The following GNB3 variants were observed in gnomAD, a reference collection of about 807,000 sequenced individuals.
The protein encoded by GNB3 is G protein subunit beta 3.
In GNB3, 33 loss-of-function variants were observed where a neutral mutation model predicts 41.2. That is an observed-to-expected ratio of 0.80 (90% CI 0.61 to 1.07). The LOEUF (loss-of-function observed/expected upper bound fraction) is 1.07, where lower values mean the gene tolerates loss of function less well. Among genes scored for constraint, GNB3 ranks in the 50% least tolerant of loss-of-function variants. The pLI, the probability that GNB3 is intolerant of heterozygous loss-of-function variation, is 0.00. For synonymous variants in GNB3, 172 were observed against 173.4 expected (o/e 0.99, Z 0.06); for missense variants, 409 against 455.3 (o/e 0.90, Z 0.92).
Position 6,843,443 on chromosome 12 carries a change from GC to G in GNB3, c.349del (p.Leu117TrpfsTer42). ...CAGGGAACTTTGTGGCATGTGGGGGGCTGGACAACATGTGTTCCATCTACAA... is the reference window on the plus strand; with the variant it reads ...CAGGGAACTTTGTGGCATGTGGGGGGTGGACAACATGTGTTCCATCTACAA... Reference protein sequence around the residue: ...PSGNFVACGGLDNMCSIYNLK... With the variant: ...PSGNFVACGGXDNMCSIYNLK... On this transcript the variant is annotated frameshift_variant, in exon 6 of 10. Transcript: ENST00000229264. LOFTEE classifies it high-confidence loss of function. The surrounding 1 kb of genome is among the most constrained non-coding windows in gnomAD (Gnocchi z 5.9). The G allele has an allele frequency of 6.2e-7, 1 of 1,614,038 alleles. No individual in the cohort carries two copies. The highest frequency in any genetic ancestry group is 8.5e-7 in the Non-Finnish European group (1 of 1,179,890).
chr12:6,846,878 T>C lies in GNB3; in HGVS notation c.1003T>C (p.Phe335Leu). Reference sequence around the variant, plus strand: ...TGTGGCCACAGGTTCCTGGGACAGCTTCCTCAAAATCTGGAACTGAGGAGG... The same window carrying C: ...TGTGGCCACAGGTTCCTGGGACAGCCTCCTCAAAATCTGGAACTGAGGAGG... ...MAVATGSWDSFLKIWN is the reference protein window; with the variant it reads ...MAVATGSWDSLLKIWN Residue 335 changes from phenylalanine to leucine, a missense_variant, in exon 10 of 10, where the codon TTC becomes CTC. By Grantham distance (22) the Phe-to-Leu change is conservative (BLOSUM62 0). Coordinates refer to ENST00000229264, the MANE Select transcript of GNB3 (RefSeq NM_002075.4). 2 of 1,589,974 alleles carry C rather than the reference T, an allele frequency of 1.3e-6. No individual in the cohort carries two copies. The highest frequency in any genetic ancestry group is 1.7e-6 in the Non-Finnish European group (2 of 1,166,794).
chr12:6,843,299 C>G lies in GNB3; in HGVS notation c.267+62C>G. On this transcript the variant is annotated intron_variant, in intron 5 of 9. Coordinates refer to ENST00000229264, the MANE Select transcript of GNB3 (RefSeq NM_002075.4). This position sits in a 1 kb window ranked among gnomAD's most constrained non-coding sequence, Gnocchi z 5.9. ...TCCTTCCTAAGGGCGCCATGCCTAC[C>G]CTCCTGTGCCCAGCTGGGAGCTTGG... is the stretch of plus-strand genomic sequence containing the variant. The G allele has an allele frequency of 2.5e-6, 4 of 1,609,818 alleles. No individual in the cohort carries two copies. The highest frequency in any genetic ancestry group is 3.4e-6 in the Non-Finnish European group (4 of 1,176,166).
intron 3 of GNB3, chr12:6,842,009 G>A (rs1383608952): frequency 3.3e-5 from 12 of 366,442 alleles, no homozygotes; most frequent in Non-Finnish European, 4.7e-5. Flanking sequence ...TGAAATCAAG[G>A]TGCATTCAGC....
intron 1 of GNB3, 39 bp from the exon 2 acceptor site, chr12:6,841,219 G>C (rs1219648589): frequency 2.3e-6 from 3 of 1,330,754 alleles, no homozygotes; most frequent in African/African-American, 2.9e-5. Flanking sequence ...GCACAGCCTG[G>C]TGGGGGGTTC....
rs782761391 is a variant in GNB3 at position 6,843,090 on chromosome 12, G to C, written c.203+14G>C. ...CACTGATTCTAAGTGAGGCTTGGGG[G>C]GGAACCGAGAATGGGAGGGTGAGAG... On this transcript the variant is annotated intron_variant, in intron 4 of 9. Transcript: ENST00000229264. The surrounding 1 kb of genome is among the most constrained non-coding windows in gnomAD (Gnocchi z 5.9). 3.1e-6 allele frequency: 5 copies of C among 1,604,100 alleles called. No individual in the cohort carries two copies. The highest frequency in any genetic ancestry group is 4.3e-6 in the Non-Finnish European group (5 of 1,171,600).
At chr12:6,841,499 G>C (rs1234219483) in intron 2 of GNB3, 87 bp from the exon 3 acceptor site, 1 of 1,263,408 alleles carries the variant, frequency 7.9e-7, no homozygotes, top group Non-Finnish European at 1.1e-6. Context: ...CCAAGCCCCA[G>C]AGCCCCAAGA....
rs782545327 is a variant in GNB3, at chr12:6,845,605, C to A, written c.719C>A (p.Ala240Asp). The change falls in exon 9 of 10, where the codon GCC (alanine) becomes GAC (aspartate). Residue 240 changes from alanine to aspartate, a missense_variant. Transcript: ENST00000229264. ...NAICFFPNGE[A>D]ICTGSDDASC... ...CCTCAGTTCTTCCCCAATGGAGAGG[C>A]CATCTGCACGGGCTCGGATGACGCT... is the stretch of plus-strand genomic sequence containing the variant. The A allele has an allele frequency of 1.2e-6, 2 of 1,611,460 alleles. No homozygotes were observed. Among genetic ancestry groups the A allele is most frequent in the Non-Finnish European group, 1.7e-6 (2 of 1,179,312 alleles).
intron 1 of GNB3, 81 bp downstream of exon 1, chr12:6,841,114 G>A (rs1943565673): frequency 1.6e-6 from 1 of 637,172 alleles, no homozygotes; most frequent in Non-Finnish European, 2.8e-6. Context: ...TGGACGCAAA[G>A]GACCTCAAAC....
chr12:6,842,980 G>A lies in GNB3; in HGVS notation c.107G>A (p.Gly36Asp). ...CCCCTCTCTCTGCAGCTGGTGTCTG[G>A]CCTAGAGGTGGTGGGACGAGTCCAG... The part of the protein sequence containing the change: ...ADVTLAELVS[G>D]LEVVGRVQMR... The change falls in exon 4 of 10, where the codon GGC becomes GAC. Residue 36 changes from glycine to aspartate, a missense_variant. Physicochemically the swap from Gly to Asp is moderately conservative, Grantham distance 94. Coordinates refer to ENST00000229264, the MANE Select transcript of GNB3 (RefSeq NM_002075.4). 6.5e-7 allele frequency: 1 copy of A among 1,548,320 alleles called. No individual in the cohort carries two copies. The highest frequency in any genetic ancestry group is 1.8e-5 in the Admixed American group (1 of 54,248).
At position 6,843,955 on chromosome 12, in the gene GNB3, G is replaced by C. The variant is rs371744474; in HGVS notation, c.676G>C (p.Glu226Gln). The change falls in exon 8 of 10, where the codon GAG (glutamate) becomes CAG (glutamine). Residue 226 changes from glutamate to glutamine, a missense_variant. Transcript: ENST00000229264. The surrounding 1 kb of genome is among the most constrained non-coding windows in gnomAD (Gnocchi z 5.9). ...GTCRQTFTGH[E>Q]SDINAICFFP... ...CTGCCGTCAGACTTTCACTGGCCAC[G>C]AGTCGGACATCAACGCCATCTGTGT... 259 of 1,613,012 alleles carry C rather than the reference G, an allele frequency of 1.6e-4. 3 individuals carry two copies. In the South Asian group the frequency reaches 2.7e-3, roughly 17 times the overall value.
Position 6,846,869 on chromosome 12 carries a change from T to C in GNB3, c.994T>C (p.Trp332Arg). The C allele has an allele frequency of 2.5e-6, 4 of 1,595,578 alleles. No homozygotes were observed. The highest frequency in any genetic ancestry group is 2.6e-6 in the Non-Finnish European group (3 of 1,170,510). Residue 332 changes from tryptophan to arginine, a missense_variant, in exon 10 of 10, where the codon TGG (tryptophan) becomes CGG (arginine). By Grantham distance (101) the Trp-to-Arg change is moderately radical. Transcript: ENST00000229264. ...CGGGATGGCTGTGGCCACAGGTTCC[T>C]GGGACAGCTTCCTCAAAATCTGGAA... ...ADGMAVATGS[W>R]DSFLKIWN
At chr12:6,841,413 G>A (rs782565385) in intron 2 of GNB3, 69 bp downstream of exon 2, 12 of 1,424,454 alleles carry the variant, frequency 8.4e-6, no homozygotes, top group Admixed American at 7.4e-5. Context: ...GGCCCAGGGG[G>A]AGGGGGCTGG....
chr12:6,841,400 C>T lies in GNB3; in HGVS notation c.57+56C>T, dbSNP rs782585832. Reference sequence around the variant, plus strand: ...AGAAAACAGCTGGGGACATGAGGAGCGTGGCCCAGGGGGAGGGGGCTGGGT... The same window carrying T: ...AGAAAACAGCTGGGGACATGAGGAGTGTGGCCCAGGGGGAGGGGGCTGGGT... On this transcript the variant is annotated intron_variant, in intron 2 of 9. Transcript: ENST00000229264. The T allele has an allele frequency of 2.3e-5, 35 of 1,494,282 alleles. 1 individual carries two copies. The Admixed American group carries it at 3.7e-4, about 16-fold the overall frequency. 92.6% of individuals were successfully genotyped at this position (1,494,282 alleles called of 1,614,324 possible). A position where few individuals can be genotyped will look rare whatever the true frequency, so the allele number is the denominator to read the frequency against.
chr12:6,844,100 T>C (rs1249743918), intron 8 of GNB3, 122 bp downstream of exon 8: 15 of 596,870 alleles, frequency 2.5e-5, no homozygotes, highest in East Asian at 9.2e-5. Context: ...TGTATTTTTT[T>C]TTTTTTTTTT....
At chr12:6,846,656 C>T in intron 9 of GNB3, 136 bp from the exon 10 acceptor site, 1 of 624,350 alleles carries the variant, frequency 1.6e-6, no homozygotes, top group South Asian at 1.8e-5. Flanking sequence ...CACATGCATA[C>T]ACATGCACAC....
intron 9 of GNB3, 143 bp from the exon 10 acceptor site, chr12:6,846,649 A>T (rs1943706762): frequency 1.6e-6 from 1 of 615,746 alleles, no homozygotes; most frequent in Non-Finnish European, 3.0e-6. Context: ...ACACCCACAC[A>T]TGCATACACA....
In GNB3 at chr12:6,842,928, G is replaced by A. The variant is rs367919542; in HGVS notation, c.97-42G>A. ...GTGGCAGTGACAGACATCTGGGCAC[G>A]TAACCTGCTCACCCTGATATTCAGT... is the stretch of plus-strand genomic sequence containing the variant. On this transcript the variant is annotated intron_variant, in intron 3 of 9. Transcript: ENST00000229264. 6.5e-5 allele frequency: 86 copies of A among 1,331,722 alleles called. No homozygotes were observed. In the South Asian group the frequency reaches 6.7e-4, roughly 10 times the overall value. The allele number at this position is 1,331,722 out of a possible 1,614,324, so 82.5% of individuals were successfully genotyped here.
At chr12:6,844,420 T>C (rs1415565162) in intron 8 of GNB3, among the ~76,000 whole-genome samples, 1 of 151,910 alleles carries the variant, frequency 6.6e-6, no homozygotes, top group African/African-American at 2.4e-5. Context: ...CCTAGCCCTT[T>C]CTTTCTTTCC....
chr12:6,841,476 A>G (rs1489540859), intron 2 of GNB3, 110 bp from the exon 3 acceptor site: 1 of 1,190,560 alleles, frequency 8.4e-7, no homozygotes, highest in Non-Finnish European at 1.2e-6. Flanking sequence ...CTTGGTTCGC[A>G]TATTTGAGAC....
Sources: allele counts gnomAD v4.1 joint callset (sites outside exome capture counted in the v4.1 genomes callset), GRCh38; gene constraint gnomAD v4.1.1; non-coding constraint Gnocchi (gnomAD v3.1); transcripts MANE v1.5; gene names NCBI Gene and HGNC (gene_info 2026-07-23, HGNC 2026-07-21).